ATR: variants seen among roughly 807,000 people sequenced by gnomAD.
ATR encodes ATR checkpoint kinase, also known as serine/threonine-protein kinase ATR.
In ATR, 142 loss-of-function variants were observed where a neutral mutation model predicts 305.3. The ratio of observed to expected loss-of-function variants is 0.47; its 90% CI spans 0.41 to 0.53. The LOEUF is 0.53. Among genes scored for constraint, ATR ranks in the 20% least tolerant of loss-of-function variants. The pLI, the probability that ATR is intolerant of heterozygous loss-of-function variation, is 0.00. For missense variants in ATR, 2,135 were observed against 3,133.1 expected, an observed-to-expected ratio of 0.68 and a Z score of 7.60; for synonymous variants, 1,050 against 1,068.1, an observed-to-expected ratio of 0.98 and a Z score of 0.33.
intron 32 of ATR, among the ~76,000 whole-genome samples, chr3:142,497,598 A>C (rs1333523907): frequency 6.6e-6 from 1 of 150,800 alleles, no homozygotes; most frequent in Non-Finnish European, 1.5e-5. Flanking sequence ...TAAATAAATA[A>C]ATAAAATTAA....
chr3:142,496,085 T>G (rs1290113811), intron 34 of ATR, among the ~76,000 whole-genome samples: 1 of 151,170 alleles, frequency 6.6e-6, no homozygotes, highest in African/African-American at 2.4e-5. Flanking sequence ...AAATGTAAGA[T>G]AGATGAAAAC....
At chr3:142,498,853 T>C (rs2031792744) in intron 31 of ATR, 79 bp from the exon 32 acceptor site, 1 of 1,378,220 alleles carries the variant, frequency 7.3e-7, no homozygotes, top group African/African-American at 1.4e-5. Context: ...GATAAAATGG[T>C]CAGCTGAAAT....
chr3:142,493,777 A>G (rs1271177017), intron 34 of ATR, among the ~76,000 whole-genome samples: 2 of 152,108 alleles, frequency 1.3e-5, no homozygotes, highest in East Asian at 1.9e-4. Flanking sequence ...CTGAGGGGGA[A>G]GGATCGCTTG....
intron 16 of ATR, among the ~76,000 whole-genome samples, chr3:142,544,635 A>T (rs1002666452): frequency 3.7e-4 from 56 of 150,714 alleles, no homozygotes; most frequent in Middle Eastern, 3.4e-3. Flanking sequence ...AAAAAAAAAA[A>T]AAAAAAATGA....
chr3:142,468,400 T>A (rs1023078244), intron 38 of ATR, among the ~76,000 whole-genome samples: 12 of 152,068 alleles, frequency 7.9e-5, no homozygotes, highest in African/African-American at 2.9e-4. Flanking sequence ...TTGAAGGCTA[T>A]TTTTTAGAAT....
At chr3:142,521,887 A>G (rs1049688162) in intron 23 of ATR, among the ~76,000 whole-genome samples, 2 of 152,234 alleles carry the variant, frequency 1.3e-5, no homozygotes, top group African/African-American at 4.8e-5. Flanking sequence ...TTAGAACATT[A>G]CATAAACTTA....
intron 45 of ATR, 97 bp from the exon 46 acceptor site, chr3:142,453,330 A>T: frequency 7.2e-7 from 1 of 1,386,246 alleles, no homozygotes; most frequent in Non-Finnish European, 1.0e-6. Flanking sequence ...GCTAATGGTA[A>T]TACTCTTATA....
chr3:142,535,071 T>C lies in ATR; in HGVS notation c.3945+9A>G. 1 of 1,608,604 alleles carries C rather than the reference T, an allele frequency of 6.2e-7. No homozygotes were observed. Among genetic ancestry groups the C allele is most frequent in the Non-Finnish European group, 8.5e-7 (1 of 1,175,862 alleles). On this transcript the variant is annotated intron_variant, in intron 21 of 46. Transcript: ENST00000350721. The stretch of plus-strand genomic sequence containing the variant: ...GTTATACATTTTTAATTATATCATA[T>C]TAGCATACCTGATTTTTATACAAGG...
chr3:142,511,043 C>T (rs2032527457), intron 27 of ATR, among the ~76,000 whole-genome samples: 1 of 152,006 alleles, frequency 6.6e-6, no homozygotes, highest in African/African-American at 2.4e-5. Context: ...ATATCAAACA[C>T]TACTAGAGAC....
At chr3:142,484,490 C>T (rs1358197649) in intron 36 of ATR, among the ~76,000 whole-genome samples, 5 of 152,130 alleles carry the variant, frequency 3.3e-5, no homozygotes, top group South Asian at 2.1e-4. Flanking sequence ...GCTCCTGTGC[C>T]GGACCCCTCC....
chr3:142,553,086 G>A lies in ATR; in HGVS notation c.2805+141C>T, dbSNP rs2034535651. ...CCTATGTAGCAAACCTCTACATGCTGCAATATACCCCTGAACTTAAAATAT... is the reference window on the plus strand; with the variant it reads ...CCTATGTAGCAAACCTCTACATGCTACAATATACCCCTGAACTTAAAATAT... On this transcript the variant is annotated intron_variant, in intron 13 of 46. Coordinates refer to ENST00000350721, the MANE Select transcript of ATR (RefSeq NM_001184.4). 8 of 1,103,840 alleles carry A rather than the reference G, an allele frequency of 7.2e-6. No homozygotes were observed. In the Admixed American group the frequency reaches 1.4e-4, roughly 19 times the overall value. The allele number at this position is 1,103,840 out of a possible 1,614,324, so 68.4% of individuals were successfully genotyped here. A position where few individuals can be genotyped will look rare whatever the true frequency, so the allele number is the denominator to read the frequency against.
At chr3:142,509,545 A>ATTTTTTTT (rs71629538) in intron 27 of ATR, among the ~76,000 whole-genome samples, 2 of 73,796 alleles carry the variant, frequency 2.7e-5, no homozygotes, top group East Asian at 4.7e-4. Context: ...TCAAATTCTG[A>ATTTTTTTT]TTTTTTTTTT....
chr3:142,473,941 A>ATTTT (rs141622968), intron 36 of ATR, among the ~76,000 whole-genome samples: 1 of 114,914 alleles, frequency 8.7e-6, no homozygotes, highest in Admixed American at 8.9e-5. Flanking sequence ...AAGTTATTGG[A>ATTTT]TTTTTTTTTT....
At chr3:142,464,325 C>T (rs920870241) in intron 41 of ATR, among the ~76,000 whole-genome samples, 2 of 152,096 alleles carry the variant, frequency 1.3e-5, no homozygotes, top group African/African-American at 2.4e-5. Flanking sequence ...CAGGGTTTCA[C>T]TATATAGGCC....
In ATR at chr3:142,522,777, G is replaced by A. The variant is rs1474267384; in HGVS notation, c.4217C>T (p.Ala1406Val). 1.9e-6 allele frequency: 3 copies of A among 1,613,652 alleles called. No homozygotes were observed. Among genetic ancestry groups the A allele is most frequent in the South Asian group, 2.2e-5 (2 of 91,074 alleles). Residue 1406 changes from alanine (A) to valine (V), a missense_variant, in exon 23 of 47, where the codon GCG becomes GTG. Physicochemically the swap from Ala to Val is moderately conservative, Grantham distance 64 (BLOSUM62 0). Coordinates refer to ENST00000350721, the MANE Select transcript of ATR (RefSeq NM_001184.4). ...LLMELTRAYLAYADNSRAQDS... is the reference protein window; with the variant it reads ...LLMELTRAYLVYADNSRAQDS... Reference sequence around the variant, plus strand: ...TTGAGCTCGGCTATTATCAGCATACGCAAGGTAAGCTCTTGTTAGCTCCAT... The same window carrying A: ...TTGAGCTCGGCTATTATCAGCATACACAAGGTAAGCTCTTGTTAGCTCCAT...
At chr3:142,471,928 T>A (rs990087308) in intron 36 of ATR, 3 of 152,186 alleles carry the variant, frequency 2.0e-5, no homozygotes, top group Non-Finnish European at 4.4e-5. Context: ...ACTCTCTAGT[T>A]CTATGAGTTC....
intron 36 of ATR, among the ~76,000 whole-genome samples, chr3:142,475,594 T>A (rs374851969): frequency 6.6e-6 from 1 of 152,192 alleles, no homozygotes; most frequent in Non-Finnish European, 1.5e-5. Flanking sequence ...ATGATTTATA[T>A]TCCTTTGGGT....
chr3:142,574,852 G>C (rs2035386513), intron 1 of ATR, among the ~76,000 whole-genome samples: 2 of 152,312 alleles, frequency 1.3e-5, no homozygotes, highest in East Asian at 1.9e-4. Context: ...ATAAGGGTAA[G>C]AGGGAGGGTA....
Position 142,512,043 on chromosome 3 carries a change from G to A in ATR, c.4852+217C>T, listed in dbSNP as rs553980973. Reference sequence around the variant, plus strand: ...TGAGGCAGGAGAATTGCTTGAACCCGGGAGGCAGAGATTGCAGTGAGCCGA... The same window carrying A: ...TGAGGCAGGAGAATTGCTTGAACCCAGGAGGCAGAGATTGCAGTGAGCCGA... On this transcript the variant is annotated intron_variant, in intron 27 of 46. Transcript: ENST00000350721. Among the ~76,000 whole-genome samples, 78 of 150,820 alleles carry A rather than the reference G, an allele frequency of 5.2e-4. No homozygotes were observed. In the East Asian group the frequency reaches 0.012, roughly 24 times the overall value.
Sources: gnomAD v4.1 joint callset for allele counts (sites outside exome capture counted in the v4.1 genomes callset) on GRCh38, gnomAD v4.1.1 for gene constraint, MANE v1.5 for transcripts, NCBI Gene and HGNC (gene_info 2026-07-23, HGNC 2026-07-21) for gene names.